The following SLC39A11 variants were observed in gnomAD, a reference collection of about 807,000 sequenced individuals.
SLC39A11 encodes solute carrier family 39 member 11, also known as zinc transporter ZIP11.
SLC39A11 carries 33 observed loss-of-function variants against 36.1 expected under a neutral mutation model. That is an observed-to-expected ratio of 0.91 (90% confidence interval 0.69 to 1.22). The LOEUF is 1.22. SLC39A11 is among the 50% of genes most tolerant of loss of function. The probability of loss-of-function intolerance (pLI) is 0.00; values close to 1 mark genes in which losing one functional copy is unlikely to be tolerated. For synonymous variants in SLC39A11, 166 were observed against 170.3 expected, an observed-to-expected ratio of 0.97 and a Z score of 0.20; for missense variants, 432 against 430.3, an observed-to-expected ratio of 1.00 and a Z score of -0.03.
chr17:72,696,146 G>A (rs540839077), intron 7 of SLC39A11, among the ~76,000 whole-genome samples: 93 of 150,912 alleles, frequency 6.2e-4, no homozygotes, highest in African/African-American at 2.0e-3. Context: ...TGAAGATCTC[G>A]GAAGGAAACA....
At chr17:72,900,980 CA>C (rs879423369) in intron 5 of SLC39A11, among the ~76,000 whole-genome samples, 77 of 39,386 alleles carry the variant, frequency 2.0e-3, no homozygotes, top group African/African-American at 6.5e-3. Context: ...AAACAAACAA[CA>C]AAAAAAAAAC....
chr17:72,783,358 G>C (rs532674844), intron 6 of SLC39A11, among the ~76,000 whole-genome samples: 4 of 152,358 alleles, frequency 2.6e-5, no homozygotes, highest in Admixed American at 6.5e-5. Flanking sequence ...TCAGGGCTGT[G>C]CTGGAAAAGG....
intron 3 of SLC39A11, among the ~76,000 whole-genome samples, chr17:73,049,025 C>T (rs1015873793): frequency 5.3e-5 from 8 of 152,138 alleles, no homozygotes; most frequent in African/African-American, 1.7e-4. Flanking sequence ...GGTCCCTCGG[C>T]GATGCTGTAA....
At chr17:73,037,387 T>C (rs2058955985) in intron 3 of SLC39A11, among the ~76,000 whole-genome samples, 1 of 152,238 alleles carries the variant, frequency 6.6e-6, no homozygotes, top group South Asian at 2.1e-4. Context: ...TAGTGACATA[T>C]GAACTAGCTG....
intron 5 of SLC39A11, among the ~76,000 whole-genome samples, chr17:72,915,782 T>C (rs1279979070): frequency 6.6e-6 from 1 of 152,184 alleles, no homozygotes; most frequent in Non-Finnish European, 1.5e-5. Context: ...ATCCAGTAGC[T>C]CCTATATTCA....
At chr17:73,010,040 T>A (rs2090426317) in intron 4 of SLC39A11, among the ~76,000 whole-genome samples, 1 of 152,114 alleles carries the variant, frequency 6.6e-6, no homozygotes, top group Non-Finnish European at 1.5e-5. Flanking sequence ...TTCTCCCAGA[T>A]GTTACAGCTT....
At chr17:72,879,777 T>C (rs1386297606) in intron 5 of SLC39A11, among the ~76,000 whole-genome samples, 1 of 152,236 alleles carries the variant, frequency 6.6e-6, no homozygotes, top group Non-Finnish European at 1.5e-5. Context: ...TCTCTCACCC[T>C]AGACCTTTTT....
chr17:72,916,608 C>T (rs2083347848), intron 5 of SLC39A11, among the ~76,000 whole-genome samples: 1 of 152,150 alleles, frequency 6.6e-6, no homozygotes, highest in African/African-American at 2.4e-5. Context: ...TCTTCCCCTG[C>T]CCCCCAACCA....
intron 4 of SLC39A11, among the ~76,000 whole-genome samples, chr17:72,978,814 A>G (rs1368204983): frequency 6.6e-6 from 1 of 152,192 alleles, no homozygotes; most frequent in Non-Finnish European, 1.5e-5. Context: ...GAAAGGAAAC[A>G]ACAAATCATC....
intron 5 of SLC39A11, among the ~76,000 whole-genome samples, chr17:72,904,917 T>C (rs562130228): frequency 5.5e-4 from 83 of 152,200 alleles, no homozygotes; most frequent in African/African-American, 2.0e-3. Flanking sequence ...CTCACGCCTG[T>C]AATCCCAGCA....
chr17:72,976,853 A>AAAAAAAG, intron 4 of SLC39A11, among the ~76,000 whole-genome samples: 1 of 152,184 alleles, frequency 6.6e-6, no homozygotes, highest in Non-Finnish European at 1.5e-5. Context: ...CGTCTCAAAA[A>AAAAAAAG]AAAAAAGAAA....
Position 72,648,921 on chromosome 17 carries a change from C to T in SLC39A11, c.811G>A (p.Val271Ile). 1.2e-6 allele frequency: 2 copies of T among 1,613,966 alleles called. No individual in the cohort carries two copies. The highest frequency in any genetic ancestry group is 1.1e-5 in the South Asian group (1 of 91,060). The change falls in exon 9 of 10, where the codon GTC becomes ATC. Residue 271 changes from valine (V) to isoleucine (I), a missense_variant. Physicochemically the swap from Val to Ile is conservative, Grantham distance 29 (BLOSUM62 3). Coordinates refer to ENST00000255559, the MANE Select transcript of SLC39A11 (RefSeq NM_139177.4). ...LSGMVEPLAGVFGAFAVVLAE... is the reference protein window; with the variant it reads ...LSGMVEPLAGIFGAFAVVLAE... ...AGCACCACGGCAAAGGCACCAAAGA[C>T]CCCGGCCAGGGGCTCCACCATGCCG...
chr17:72,823,918 T>A (rs2077904414), intron 6 of SLC39A11: 1 of 151,266 alleles, frequency 6.6e-6, no homozygotes, highest in Non-Finnish European at 1.5e-5. Context: ...TCCTTGAACT[T>A]GGTAATGAAT....
intron 6 of SLC39A11, among the ~76,000 whole-genome samples, chr17:72,767,535 T>C (rs957939985): frequency 6.6e-6 from 1 of 152,136 alleles, no homozygotes; most frequent in Non-Finnish European, 1.5e-5. Flanking sequence ...TGGTACTAAG[T>C]GCCATGAAGA....
chr17:72,689,300 GC>G (rs1219022201), intron 7 of SLC39A11, among the ~76,000 whole-genome samples: 1 of 152,206 alleles, frequency 6.6e-6, no homozygotes, highest in Non-Finnish European at 1.5e-5. Context: ...AAATTAACCA[GC>G]CCCTTGAAAG....
rs76345000 is a variant in SLC39A11, at chr17:72,782,338, G to A, written c.602-45619C>T. 5.2e-3 allele frequency among the ~76,000 whole-genome samples: 792 copies of A among 152,186 alleles called. 5 individuals carry two copies. Among genetic ancestry groups the A allele is most frequent in the African/African-American group, 0.017 (708 of 41,526 alleles). Reference sequence around the variant, plus strand: ...ACCAACCCTGCAGGCAGCTTGCTCCGGGGTCTTTCACCTCCAGAACTGTGA... The same window carrying A: ...ACCAACCCTGCAGGCAGCTTGCTCCAGGGTCTTTCACCTCCAGAACTGTGA... On this transcript the variant is annotated intron_variant, in intron 6 of 9. Transcript: ENST00000255559.
At chr17:72,964,947 T>G (rs1251643115) in intron 4 of SLC39A11, among the ~76,000 whole-genome samples, 1 of 152,214 alleles carries the variant, frequency 6.6e-6, no homozygotes, top group African/African-American at 2.4e-5. Flanking sequence ...TTCATGTCCT[T>G]TGTACGGACA....
At chr17:72,921,882 A>C (rs761907699) in intron 5 of SLC39A11, among the ~76,000 whole-genome samples, 6 of 152,248 alleles carry the variant, frequency 3.9e-5, no homozygotes, top group Non-Finnish European at 5.9e-5. Flanking sequence ...GAGATGCTAA[A>C]AATGCAAAAC....
At chr17:72,792,487 T>C (rs991181346) in intron 6 of SLC39A11, among the ~76,000 whole-genome samples, 2 of 152,046 alleles carry the variant, frequency 1.3e-5, no homozygotes, top group Non-Finnish European at 1.5e-5. Flanking sequence ...GTCTTTGAGG[T>C]TTTGTGAGGC....
Sources: gnomAD v4.1 joint callset for allele counts (sites outside exome capture counted in the v4.1 genomes callset) on GRCh38, gnomAD v4.1.1 for gene constraint, MANE v1.5 for transcripts, NCBI Gene and HGNC (gene_info 2026-07-23, HGNC 2026-07-21) for gene names.